The following FHIT variants were observed in gnomAD, a reference collection of about 807,000 sequenced individuals.
FHIT encodes bis(5'-adenosyl)-triphosphatase.
A neutral mutation model predicts 17.9 loss-of-function variants in FHIT; 19 were observed. That is an observed-to-expected ratio of 1.06 (90% CI 0.74 to 1.56). The LOEUF is 1.56. Ranked by LOEUF, FHIT falls within the 40% of genes most tolerant of loss-of-function variation. The pLI is 0.00. For missense variants in FHIT, 248 were observed against 189.2 expected (o/e 1.31, Z -1.82); for synonymous variants, 81 against 69.7 (o/e 1.16, Z -0.81).
intron 4 of FHIT, among the ~76,000 whole-genome samples, chr3:60,688,979 T>C (rs1559641628): frequency 6.6e-6 from 1 of 152,142 alleles, no homozygotes; most frequent in African/African-American, 2.4e-5. Context: ...CACCCAAATC[T>C]CATCTTGTAG....
chr3:61,025,474 T>C (rs1237679018), intron 3 of FHIT, among the ~76,000 whole-genome samples: 1 of 152,160 alleles, frequency 6.6e-6, no homozygotes, highest in Non-Finnish European at 1.5e-5. Context: ...AGTTTGCTCT[T>C]ACCCTTTGAA....
intron 2 of FHIT, among the ~76,000 whole-genome samples, chr3:61,134,915 T>C (rs2036870103): frequency 6.6e-6 from 1 of 152,046 alleles, no homozygotes; most frequent in Non-Finnish European, 1.5e-5. Context: ...CTGAGGGCAT[T>C]TATTCCCACA....
intron 7 of FHIT, among the ~76,000 whole-genome samples, chr3:59,970,160 T>G (rs1004831661): frequency 2.6e-5 from 4 of 152,152 alleles, no homozygotes; most frequent in Non-Finnish European, 5.9e-5. Context: ...TATGAACAGA[T>G]GGTCTTTTCA....
At chr3:60,319,282 C>T (rs949523028) in intron 5 of FHIT, among the ~76,000 whole-genome samples, 2 of 152,062 alleles carry the variant, frequency 1.3e-5, no homozygotes, top group South Asian at 2.1e-4. Flanking sequence ...ACCCACTCAC[C>T]CATCACCCTC....
intron 2 of FHIT, among the ~76,000 whole-genome samples, chr3:61,057,587 C>T (rs2034270785): frequency 6.6e-6 from 1 of 152,066 alleles, no homozygotes; most frequent in East Asian, 1.9e-4. Context: ...TCTCTGAACA[C>T]CAAGGAACGT....
At chr3:60,494,713 T>C (rs1397779926) in intron 5 of FHIT, among the ~76,000 whole-genome samples, 4 of 152,196 alleles carry the variant, frequency 2.6e-5, no homozygotes, top group African/African-American at 9.7e-5. Context: ...TACAAATAAG[T>C]GAGAACATAC....
At position 59,953,349 on chromosome 3, in the gene FHIT, GTCC is replaced by G. The variant is rs1707219443; in HGVS notation, c.280-30938_280-30936del. On this transcript the variant is annotated intron_variant, in intron 7 of 9. Transcript: ENST00000492590. ...GCGTGCATTGGGTCCTTGTGTGCATGTCCTCCTCCTCCAGTGAGTGTCTCCCTA... is the reference window on the plus strand; with the variant it reads ...GCGTGCATTGGGTCCTTGTGTGCATGTCCTCCTCCAGTGAGTGTCTCCCTA... Among the ~76,000 whole-genome samples, 7 of 151,918 alleles carry G rather than the reference GTCC, an allele frequency of 4.6e-5. No individual in the cohort carries two copies. In the South Asian group the frequency reaches 1.5e-3, roughly 32 times the overall value.
intron 2 of FHIT, among the ~76,000 whole-genome samples, chr3:61,101,897 T>G (rs550574461): frequency 1.2e-3 from 183 of 152,316 alleles, no homozygotes; most frequent in African/African-American, 3.9e-3. Flanking sequence ...TTTTTGCGCA[T>G]TGATTTTCTA....
intron 5 of FHIT, among the ~76,000 whole-genome samples, chr3:60,500,771 T>TAAAAAAAAAAAAAAAAAAAAA (rs71092606): frequency 4.6e-5 from 3 of 64,860 alleles, no homozygotes; most frequent in African/African-American, 1.8e-4. Flanking sequence ...AGCATCCATC[T>TAAAAAAAAAAAAAAAAAAAAA]AAAAAAAAAA....
intron 8 of FHIT, among the ~76,000 whole-genome samples, chr3:59,847,148 A>T (rs1701752401): frequency 6.6e-6 from 1 of 152,004 alleles, no homozygotes; most frequent in Non-Finnish European, 1.5e-5. Context: ...TTTATTCATT[A>T]TTTCTTCAAA....
At chr3:59,929,371 T>G (rs1389692995) in intron 7 of FHIT, among the ~76,000 whole-genome samples, 16 of 134,398 alleles carry the variant, frequency 1.2e-4, no homozygotes, top group South Asian at 5.2e-4. Context: ...TGGTTTTTTT[T>G]TTTTTTTTTT....
intron 2 of FHIT, among the ~76,000 whole-genome samples, chr3:61,068,700 A>G (rs1197296259): frequency 1.3e-5 from 2 of 152,040 alleles, no homozygotes; most frequent in Non-Finnish European, 2.9e-5. Flanking sequence ...CAGTCAGTTC[A>G]CTCTGATTCT....
chr3:60,438,239 C>T (rs1431094852), intron 5 of FHIT, among the ~76,000 whole-genome samples: 1 of 151,956 alleles, frequency 6.6e-6, no homozygotes, highest in African/African-American at 2.4e-5. Flanking sequence ...TGACCCTGTG[C>T]TGATGATAAT....
chr3:60,565,276 C>G (rs956207911), intron 4 of FHIT, among the ~76,000 whole-genome samples: 1 of 152,084 alleles, frequency 6.6e-6, no homozygotes, highest in Non-Finnish European at 1.5e-5. Context: ...TGGTGTGTAT[C>G]TGAACCCATA....
At chr3:59,773,981 T>G (rs1300123188) in intron 8 of FHIT, among the ~76,000 whole-genome samples, 1 of 152,220 alleles carries the variant, frequency 6.6e-6, no homozygotes, top group African/African-American at 2.4e-5. Context: ...AAATAATATT[T>G]ATGATATTTT....
intron 7 of FHIT, among the ~76,000 whole-genome samples, chr3:59,945,723 G>A (rs1010190263): frequency 5.3e-5 from 8 of 152,080 alleles, no homozygotes; most frequent in Non-Finnish European, 7.4e-5. Flanking sequence ...TACATTAAAA[G>A]GAAGGGGTCC....
rs562257761 is a variant in FHIT at position 61,190,269 on chromosome 3, A to G, written c.-164+10348T>C. On this transcript the variant is annotated intron_variant, in intron 2 of 9. Transcript: ENST00000492590. ...AACAACCCCATCAACAAGTGGGTGA[A>G]GGATATGAACAGACACTTCTCAAAA... Among the ~76,000 whole-genome samples the G allele has an allele frequency of 3.9e-5, 6 of 152,334 alleles. No individual in the cohort carries two copies. The East Asian group carries it at 1.2e-3, about 29-fold the overall frequency.
At chr3:60,857,518 GATTAAATTA>G (rs1703438481) in intron 3 of FHIT, among the ~76,000 whole-genome samples, 1 of 151,908 alleles carries the variant, frequency 6.6e-6, no homozygotes, top group African/African-American at 2.4e-5. Flanking sequence ...GGTTTGTGAG[GATTAAATTA>G]GATAATACAT....
chr3:60,294,094 G>T (rs1383334905), intron 5 of FHIT, among the ~76,000 whole-genome samples: 1 of 152,086 alleles, frequency 6.6e-6, no homozygotes, highest in Admixed American at 6.6e-5. Context: ...ACAGCACTGT[G>T]TCTTCAGGGG....
Sources: gnomAD v4.1 joint callset for allele counts (sites outside exome capture counted in the v4.1 genomes callset) on GRCh38, gnomAD v4.1.1 for gene constraint, MANE v1.5 for transcripts, NCBI Gene and HGNC (gene_info 2026-07-23, HGNC 2026-07-21) for gene names.